SLCO4A1: variants seen among roughly 807,000 people sequenced by gnomAD.
SLCO4A1 encodes solute carrier organic anion transporter family member 4A1, also known as colon organic anion transporter.
Under a neutral mutation model 64.6 loss-of-function variants are expected in SLCO4A1, and 51 were observed. The observed-to-expected ratio is 0.79, with a 90% CI of 0.63 to 1.00. The LOEUF (loss-of-function observed/expected upper bound fraction) is 1.00. Ranked by LOEUF, SLCO4A1 falls within the 50% of genes least tolerant of loss-of-function variation. The pLI, the probability that SLCO4A1 is intolerant of heterozygous loss-of-function variation, is 0.00. For synonymous variants in SLCO4A1, 471 were observed against 444.9 expected, an observed-to-expected ratio of 1.06 and a Z score of -0.74; for missense variants, 919 against 980.5, an observed-to-expected ratio of 0.94 and a Z score of 0.84.
chr20:62,667,383 T>C (rs2275326), intron 7 of SLCO4A1: 136,737 of 223,084 alleles, frequency 0.61, 42,973 homozygotes, highest in East Asian at 0.84. Context: ...GGGGTGGGGC[T>C]GGGGCCACGA....
At position 62,645,199 on chromosome 20, in the gene SLCO4A1, C is replaced by A. The variant is rs1217441058; in HGVS notation, c.-97+2646C>A. ...TTGGAATGGGCACGTGGGGATTGCA[C>A]CCCTTGAACAGGGAGGGAGGTGCCA... On this transcript the variant is annotated intron_variant, in intron 1 of 11. Transcript: ENST00000217159. The surrounding 1 kb of genome is among the most constrained non-coding windows in gnomAD (Gnocchi z 4.2). Among the ~76,000 whole-genome samples the A allele has an allele frequency of 1.3e-5, 2 of 152,138 alleles. No homozygotes were observed. The highest frequency in any genetic ancestry group is 2.9e-5 in the Non-Finnish European group (2 of 68,024).
downstream of SLCO4A1, among the ~76,000 whole-genome samples, chr20:62,689,622 A>G (rs1450267800): frequency 6.6e-6 from 1 of 152,008 alleles, no homozygotes; most frequent in Non-Finnish European, 1.5e-5. Context: ...AGCTGTCTCC[A>G]CCCCGCATTG....
rs1356730239 is a variant in SLCO4A1, at chr20:62,645,705, G to A, written c.-97+3152G>A. ...AGAAGCCGCTCCCCACGTAGCCCAA[G>A]CGTAGGGTGAGACTTGGCACCAGTG... On this transcript the variant is annotated intron_variant, in intron 1 of 11. Transcript: ENST00000217159. The surrounding 1 kb of genome is among the most constrained non-coding windows in gnomAD (Gnocchi z 4.2). 6.6e-6 allele frequency among the ~76,000 whole-genome samples: 1 copy of A among 152,050 alleles called. No homozygotes were observed. The highest frequency in any genetic ancestry group is 1.5e-5 in the Non-Finnish European group (1 of 67,992).
chr20:62,657,009 G>C lies in SLCO4A1; in HGVS notation c.555G>C (p.Leu185=). 1 of 1,579,624 alleles carries C rather than the reference G, an allele frequency of 6.3e-7. No individual in the cohort carries two copies. Among genetic ancestry groups the C allele is most frequent in the Non-Finnish European group, 8.6e-7 (1 of 1,158,610 alleles). ...TGCTGCTTATGGGCACGGGGTCGCT[G>C]GTGTTCGCGCTGCCCCACTTCACGG... The part of the protein sequence containing the change: ...WGVLLMGTGS[L]VFALPHFTAG... Residue 185 remains leucine (L), a synonymous_variant, in exon 2 of 12, where the codon CTG becomes CTC. Transcript: ENST00000217159.
chr20:62,680,974 G>A (rs750070137), intron 2 of SLCO4A1, among the ~76,000 whole-genome samples: 8 of 152,100 alleles, frequency 5.3e-5, no homozygotes, highest in Non-Finnish European at 8.8e-5. Context: ...GCATGAACAC[G>A]CCTCACTGTA....
chr20:62,681,991 G>A (rs926065309), intron 2 of SLCO4A1, among the ~76,000 whole-genome samples: 2 of 152,186 alleles, frequency 1.3e-5, no homozygotes, highest in African/African-American at 2.4e-5. Context: ...ACAGCAGGGC[G>A]GCCCTGGAGA....
chr20:62,674,687 C>T (rs750906774), downstream of SLCO4A1, among the ~76,000 whole-genome samples: 21 of 152,138 alleles, frequency 1.4e-4, no homozygotes, highest in Admixed American at 3.3e-4. Context: ...GTTCGTAGGT[C>T]GAAGCCCCAG....
chr20:62,661,023 G>GCCCCCAGCCCCCAA lies in SLCO4A1; in HGVS notation c.1010-28_1010-27insACCCCCAGCCCCCA. The GCCCCCAGCCCCCAA allele has an allele frequency of 1.4e-6, 1 of 732,790 alleles. No homozygotes were observed. The highest frequency in any genetic ancestry group is 1.4e-5 in the South Asian group (1 of 69,412). The allele number at this position is 732,790 out of a possible 1,614,324, so 45.4% of individuals were successfully genotyped here. A position where few individuals can be genotyped will look rare whatever the true frequency, so the allele number is the denominator to read the frequency against. On this transcript the variant is annotated intron_variant, in intron 4 of 11. Transcript: ENST00000217159. The surrounding 1 kb of genome is among the most constrained non-coding windows in gnomAD (Gnocchi z 5.2). ...CTCTCGGAGAAGTCCACCTCCGGGA[G>GCCCCCAGCCCCCAA]CCCCCAGCCCCCAGCCCCAGCTCAC...
At chr20:62,672,431 G>A (rs751472607), downstream of SLCO4A1, 14 of 273,392 alleles carry the variant, frequency 5.1e-5, no homozygotes, top group Admixed American at 1.8e-4. Context: ...AGGCTCCCCC[G>A]TAAGTCGGCC....
Position 62,666,607 on chromosome 20 carries a change from G to A in SLCO4A1, c.1472+32G>A, listed in dbSNP as rs201663809. 29 of 1,595,052 alleles carry A rather than the reference G, an allele frequency of 1.8e-5. No homozygotes were observed. In the Admixed American group the frequency reaches 1.8e-4, roughly 10 times the overall value. ...GCCAGATGGCACCTGGGTACGCGTC[G>A]GGGCCCCAAGCACCCGCGGTCCCTG... On this transcript the variant is annotated intron_variant, in intron 7 of 11. Transcript: ENST00000217159.
intron 1 of SLCO4A1, among the ~76,000 whole-genome samples, chr20:62,648,099 C>T (rs1036903153): frequency 6.6e-6 from 1 of 152,252 alleles, no homozygotes; most frequent in African/African-American, 2.4e-5. Flanking sequence ...CACATTATCC[C>T]CCGGCTGATC....
At chr20:62,663,602 G>A (rs1351312368) in intron 5 of SLCO4A1, 1 of 152,228 alleles carries the variant, frequency 6.6e-6, no homozygotes, top group African/African-American at 2.4e-5. Flanking sequence ...AACAGTCTCT[G>A]CCCCTGGTCT....
intron 4 of SLCO4A1, among the ~76,000 whole-genome samples, 161 bp from the exon 5 acceptor site, chr20:62,660,903 T>G (rs559197008): frequency 5.9e-5 from 9 of 152,194 alleles, no homozygotes; most frequent in Non-Finnish European, 1.2e-4. Context: ...TGGTTTCTGT[T>G]CCAGTGCCGC....
chr20:62,689,156 C>T (rs982302143), downstream of SLCO4A1, among the ~76,000 whole-genome samples: 1 of 152,174 alleles, frequency 6.6e-6, no homozygotes, highest in African/African-American at 2.4e-5. Flanking sequence ...GCCAGCTGTG[C>T]CCCGCGCCTC....
Position 62,671,959 on chromosome 20 carries a change from T to C in SLCO4A1, c.*66T>C. On this transcript the variant is annotated 3_prime_UTR_variant, in exon 12 of 12. Transcript: ENST00000217159. The stretch of plus-strand genomic sequence containing the variant: ...TTTCCTGATGACAGAACAGTGCCGT[T>C]GGGTGATGCAATCACACGGGAACTT... The C allele has an allele frequency of 6.2e-7, 1 of 1,600,688 alleles. No individual in the cohort carries two copies. Among genetic ancestry groups the C allele is most frequent in the Non-Finnish European group, 8.5e-7 (1 of 1,179,784 alleles).
chr20:62,674,401 C>T (rs1163534216), downstream of SLCO4A1, among the ~76,000 whole-genome samples: 4 of 152,128 alleles, frequency 2.6e-5, no homozygotes, highest in African/African-American at 7.2e-5. Context: ...AAATGGAACC[C>T]GGGGACCTCA....
intron 1 of SLCO4A1, among the ~76,000 whole-genome samples, chr20:62,647,400 T>A (rs889696167): frequency 2.0e-5 from 3 of 152,118 alleles, no homozygotes; most frequent in Non-Finnish European, 4.4e-5. Context: ...TGCCAGGCAG[T>A]GCCTGGGCTG....
chr20:62,688,838 G>C (rs1988144618), downstream of SLCO4A1, among the ~76,000 whole-genome samples: 1 of 152,252 alleles, frequency 6.6e-6, no homozygotes. Context: ...CCTGGGGGAA[G>C]CTGGGGTGGC....
At chr20:62,658,384 A>G (rs1037163880) in intron 2 of SLCO4A1, among the ~76,000 whole-genome samples, 2 of 152,238 alleles carry the variant, frequency 1.3e-5, no homozygotes, top group Admixed American at 1.3e-4. Flanking sequence ...GCCAGTGTCC[A>G]TCTGTGCGGC....
Sources: allele counts gnomAD v4.1 joint callset (sites outside exome capture counted in the v4.1 genomes callset), GRCh38; gene constraint gnomAD v4.1.1; non-coding constraint Gnocchi (gnomAD v3.1); transcripts MANE v1.5; gene names NCBI Gene and HGNC (gene_info 2026-07-23, HGNC 2026-07-21).